The following CPNE2 variants were observed in gnomAD, a reference collection of about 807,000 sequenced individuals.
CPNE2 encodes the protein copine-2.
CPNE2 carries 42 observed loss-of-function variants against 69.7 expected under a neutral mutation model. That is an observed-to-expected ratio of 0.60 (90% CI 0.47 to 0.78). The LOEUF (loss-of-function observed/expected upper bound fraction) is 0.78. Ranked by LOEUF, CPNE2 falls within the 30% of genes least tolerant of loss-of-function variation. The probability of loss-of-function intolerance (pLI) is 0.00; values close to 1 mark genes in which losing one functional copy is unlikely to be tolerated. For synonymous variants in CPNE2, 294 were observed against 289.8 expected (o/e 1.01, Z -0.15); for missense variants, 587 against 732.0 (o/e 0.80, Z 2.29).
chr16:57,098,409 G>A (rs566973024), intron 1 of CPNE2, among the ~76,000 whole-genome samples: 4 of 152,336 alleles, frequency 2.6e-5, no homozygotes, highest in South Asian at 2.1e-4. Flanking sequence ...GCTCCCCGGG[G>A]GCTGCCTGTC....
chr16:57,134,125 C>T (rs1017893584), intron 12 of CPNE2, among the ~76,000 whole-genome samples: 5 of 152,286 alleles, frequency 3.3e-5, no homozygotes, highest in East Asian at 1.9e-4. Context: ...AGCAGTGTCC[C>T]GGAGTGTCCG....
At position 57,110,796 on chromosome 16, in the gene CPNE2, C is replaced by G; in HGVS notation, c.54C>G (p.Gly18=). 1 of 1,613,406 alleles carries G rather than the reference C, an allele frequency of 6.2e-7. No homozygotes were observed. Among genetic ancestry groups the G allele is most frequent in the South Asian group, 1.1e-5 (1 of 91,012 alleles). ...CAGCAGCGGGGGCAGCCCCCATGGG[C>G]CCCCAGTATTGCGTGTGCAAGGTGG... The part of the protein sequence containing the change: ...GAPAAGAAPM[G]PQYCVCKVEL... Residue 18 remains glycine, a synonymous_variant, in exon 2 of 16, where the codon GGC becomes GGG. Transcript: ENST00000290776.
chr16:57,139,996 G>T (rs1189014217), intron 14 of CPNE2, among the ~76,000 whole-genome samples: 1 of 152,134 alleles, frequency 6.6e-6, no homozygotes, highest in Non-Finnish European at 1.5e-5. Flanking sequence ...CCAGCAAAGC[G>T]CTCAGGGAAG....
chr16:57,104,073 C>T (rs953171723), intron 1 of CPNE2, among the ~76,000 whole-genome samples: 7 of 152,146 alleles, frequency 4.6e-5, no homozygotes, highest in South Asian at 4.1e-4. Context: ...CACACCACCA[C>T]GCCCAGCTAA....
intron 1 of CPNE2, among the ~76,000 whole-genome samples, chr16:57,108,970 A>G (rs745588309): frequency 2.0e-5 from 3 of 152,208 alleles, no homozygotes; most frequent in Non-Finnish European, 4.4e-5. Context: ...TTTTTCATTC[A>G]GCAAGTATAT....
In CPNE2 at chr16:57,121,104, C is replaced by T. The variant is rs759295943; in HGVS notation, c.693C>T (p.Tyr231=). 38 of 1,613,304 alleles carry T rather than the reference C, an allele frequency of 2.4e-5. No homozygotes were observed. The highest frequency in any genetic ancestry group is 2.8e-5 in the Non-Finnish European group (33 of 1,179,614). The change falls in exon 8 of 16, where the codon TAC becomes TAT. Residue 231 remains tyrosine (Y), a synonymous_variant. Coordinates refer to ENST00000290776, the MANE Select transcript of CPNE2 (RefSeq NM_152727.6). Reference sequence around the variant, plus strand: ...TGAACCCACCCCAGGTCATGTGCTACGACTATGACAATGACGGGGGCCATG... The same window carrying T: ...TGAACCCACCCCAGGTCATGTGCTATGACTATGACAATGACGGGGGCCATG... ...DMEKPIQVMC[Y]DYDNDGGHDF... is the part of the protein sequence containing the mutation.
chr16:57,099,733 CT>C (rs1420026795), intron 1 of CPNE2, among the ~76,000 whole-genome samples: 5 of 150,322 alleles, frequency 3.3e-5, no homozygotes, highest in African/African-American at 9.8e-5. Context: ...TGCTGAGTAG[CT>C]GGGATTACAG....
chr16:57,095,625 T>C (rs569918981), intron 1 of CPNE2, among the ~76,000 whole-genome samples: 1 of 152,212 alleles, frequency 6.6e-6, no homozygotes, highest in African/African-American at 2.4e-5. Context: ...GGTGCACACC[T>C]AGCTAATTTT....
Position 57,146,355 on chromosome 16 carries a change from A to G in CPNE2, c.1539+34A>G. The G allele has an allele frequency of 6.7e-7, 1 of 1,498,372 alleles. No individual in the cohort carries two copies. Among genetic ancestry groups the G allele is most frequent in the South Asian group, 1.3e-5 (1 of 78,238 alleles). 92.8% of individuals were successfully genotyped at this position (1,498,372 alleles called of 1,614,324 possible). ...GGGCCTGGGCTGGGAGGGGGCGGTTACAGGATCCCAGCCACCATAGCTCAT... is the reference window on the plus strand; with the variant it reads ...GGGCCTGGGCTGGGAGGGGGCGGTTGCAGGATCCCAGCCACCATAGCTCAT... On this transcript the variant is annotated intron_variant, in intron 15 of 15. Transcript: ENST00000290776. This position sits in a 1 kb window ranked among gnomAD's most constrained non-coding sequence, Gnocchi z 4.4.
chr16:57,126,356 A>G (rs972059167), intron 11 of CPNE2, among the ~76,000 whole-genome samples: 13 of 150,928 alleles, frequency 8.6e-5, no homozygotes, highest in Non-Finnish European at 5.9e-5. Context: ...GGTCCCGCAG[A>G]TCATGGGACC....
In CPNE2 at chr16:57,102,226, AG is replaced by A. The variant is rs2069619298; in HGVS notation, c.-35-8480del. Among the ~76,000 whole-genome samples the A allele has an allele frequency of 2.0e-5, 3 of 152,152 alleles. No individual in the cohort carries two copies. In the South Asian group the frequency reaches 6.2e-4, roughly 32 times the overall value. On this transcript the variant is annotated intron_variant, in intron 1 of 15. Coordinates refer to ENST00000290776, the MANE Select transcript of CPNE2 (RefSeq NM_152727.6). The stretch of plus-strand genomic sequence containing the variant: ...CGGCCTCCCAAAGTGCGGGGATAAC[AG>A]GAGTGAGCCACCGCACCCGCTTGGT...
chr16:57,100,947 G>A (rs1597489368), intron 1 of CPNE2, among the ~76,000 whole-genome samples: 1 of 152,304 alleles, frequency 6.6e-6, no homozygotes, highest in East Asian at 1.9e-4. Context: ...AATTTTATGT[G>A]TCAGCTTGGC....
chr16:57,118,648 AGATGGATGGATG>A (rs3054318), intron 5 of CPNE2, among the ~76,000 whole-genome samples: 36 of 141,776 alleles, frequency 2.5e-4, no homozygotes, highest in South Asian at 9.7e-4. Flanking sequence ...GAGACCCCAT[AGATGGATGGATG>A]GATGGATGGA....
chr16:57,124,414 G>A (rs570375441), intron 10 of CPNE2: 25 of 455,782 alleles, frequency 5.5e-5, no homozygotes, highest in African/African-American at 3.2e-4. Context: ...GGCACTTGCC[G>A]CCCCGAGATT....
intron 9 of CPNE2, among the ~76,000 whole-genome samples, chr16:57,122,095 C>T (rs2069767217): frequency 6.6e-6 from 1 of 152,230 alleles, no homozygotes; most frequent in African/African-American, 2.4e-5. Context: ...ATGCAAGGGG[C>T]AGAGGACATT....
chr16:57,132,708 G>A (rs998110305), intron 12 of CPNE2, among the ~76,000 whole-genome samples: 1 of 152,166 alleles, frequency 6.6e-6, no homozygotes, highest in Admixed American at 6.5e-5. Context: ...GCAAACCAGG[G>A]CAACCAGTAT....
intron 14 of CPNE2, among the ~76,000 whole-genome samples, chr16:57,139,795 G>A (rs989163108): frequency 6.6e-6 from 1 of 152,112 alleles, no homozygotes; most frequent in South Asian, 2.1e-4. Flanking sequence ...CTGGAGTGGC[G>A]GGTGCCAGGG....
At chr16:57,115,102 G>C (rs1333888753) in intron 3 of CPNE2, among the ~76,000 whole-genome samples, 1 of 152,146 alleles carries the variant, frequency 6.6e-6, no homozygotes, top group Non-Finnish European at 1.5e-5. Context: ...ATCTGAGCTT[G>C]ACTCTGTCCA....
chr16:57,125,391 A>G (rs1160463561), intron 10 of CPNE2: 7 of 455,764 alleles, frequency 1.5e-5, no homozygotes, highest in African/African-American at 1.4e-4. Flanking sequence ...GGTCTGAGGG[A>G]TAATGGGGAG....
Sources: allele counts gnomAD v4.1 joint callset (sites outside exome capture counted in the v4.1 genomes callset), GRCh38; gene constraint gnomAD v4.1.1; non-coding constraint Gnocchi (gnomAD v3.1); transcripts MANE v1.5; gene names NCBI Gene and HGNC (gene_info 2026-07-23, HGNC 2026-07-21).